ST8SIA4: variants seen among roughly 807,000 people sequenced by gnomAD.
ST8SIA4 encodes the protein ST8 alpha-N-acetyl-neuraminide alpha-2,8-sialyltransferase 4.
ST8SIA4 carries 15 observed loss-of-function variants against 33.9 expected under a neutral mutation model. The observed-to-expected ratio is 0.44, with a 90% CI of 0.30 to 0.68. ST8SIA4 has a LOEUF of 0.68. Among genes scored for constraint, ST8SIA4 ranks in the 30% least tolerant of loss-of-function variants. ST8SIA4 has a pLI of 0.10. For missense variants in ST8SIA4, 321 were observed against 428.0 expected, an observed-to-expected ratio of 0.75 and a Z score of 2.21; for synonymous variants, 171 against 151.2, an observed-to-expected ratio of 1.13 and a Z score of -0.96.
chr5:100,896,620 A>G (rs1752785800), intron 1 of ST8SIA4, among the ~76,000 whole-genome samples: 1 of 152,156 alleles, frequency 6.6e-6, no homozygotes, highest in African/African-American at 2.4e-5. Flanking sequence ...GGTGATGGAT[A>G]TGCTAATTAG....
chr5:100,876,317 C>CA (rs1176377910), intron 3 of ST8SIA4, among the ~76,000 whole-genome samples: 2 of 151,870 alleles, frequency 1.3e-5, no homozygotes, highest in Non-Finnish European at 2.9e-5. Flanking sequence ...GGAATAATAC[C>CA]AAAACAATAT....
intron 4 of ST8SIA4, among the ~76,000 whole-genome samples, chr5:100,823,709 A>G (rs1416899879): frequency 6.6e-6 from 1 of 152,232 alleles, no homozygotes; most frequent in Non-Finnish European, 1.5e-5. Context: ...GACTTGATAC[A>G]TTTTAGAAAG....
At chr5:100,868,683 G>T (rs1011591458) in intron 3 of ST8SIA4, among the ~76,000 whole-genome samples, 2 of 151,952 alleles carry the variant, frequency 1.3e-5, no homozygotes, top group Non-Finnish European at 2.9e-5. Context: ...GACTACCTAT[G>T]TCTTTGTTTA....
At chr5:100,851,783 A>G (rs1751704007) in intron 4 of ST8SIA4, among the ~76,000 whole-genome samples, 1 of 152,102 alleles carries the variant, frequency 6.6e-6, no homozygotes, top group African/African-American at 2.4e-5. Flanking sequence ...ATTAAAAGTA[A>G]GAAAATTAAG....
chr5:100,899,043 C>T (rs1752839318), intron 1 of ST8SIA4, among the ~76,000 whole-genome samples: 1 of 152,098 alleles, frequency 6.6e-6, no homozygotes, highest in Non-Finnish European at 1.5e-5. Flanking sequence ...CAGGCTTCAC[C>T]ACAATTTACT....
intron 2 of ST8SIA4, among the ~76,000 whole-genome samples, chr5:100,888,200 G>GAA (rs1275706895): frequency 3.7e-5 from 5 of 134,902 alleles, no homozygotes; most frequent in African/African-American, 8.2e-5. Context: ...AGATTTTAAG[G>GAA]AAAAAAAAAA....
intron 4 of ST8SIA4, chr5:100,849,198 T>G (rs1250665051): frequency 6.1e-6 from 6 of 985,210 alleles, no homozygotes. Context: ...TTCCCATGTG[T>G]AAGGACAAAG....
Position 100,902,847 on chromosome 5 carries a change from T to C in ST8SIA4, c.109A>G (p.Ile37Val), listed in dbSNP as rs2112491730. The C allele has an allele frequency of 6.2e-7, 1 of 1,601,916 alleles. No homozygotes were observed. The highest frequency in any genetic ancestry group is 1.1e-5 in the South Asian group (1 of 90,850). Reference sequence around the variant, plus strand: ...GAAATGAAGCTTTGCATTTACCCGATGAGTTGCGTCTCCTGGTGCTCCTCA... The same window carrying C: ...GAAATGAAGCTTTGCATTTACCCGACGAGTTGCGTCTCCTGGTGCTCCTCA... ...RTEEHQETQLIGDGELSLSRS... is the reference protein window; with the variant it reads ...RTEEHQETQLVGDGELSLSRS... The change falls in exon 1 of 5, where the codon ATC becomes GTC. Residue 37 changes from isoleucine (I) to valine (V), a missense_variant. Coordinates refer to ENST00000231461, the MANE Select transcript of ST8SIA4 (RefSeq NM_005668.6).
At chr5:100,856,783 T>A (rs912486650) in intron 3 of ST8SIA4, among the ~76,000 whole-genome samples, 9 of 152,204 alleles carry the variant, frequency 5.9e-5, no homozygotes, top group African/African-American at 2.2e-4. Flanking sequence ...TACAAGTGAA[T>A]AAAACACATT....
At chr5:100,858,774 A>C (rs1203773536) in intron 3 of ST8SIA4, among the ~76,000 whole-genome samples, 1 of 152,124 alleles carries the variant, frequency 6.6e-6, no homozygotes, top group Non-Finnish European at 1.5e-5. Context: ...GTGCTAACTA[A>C]AGGAGCAATT....
At chr5:100,881,645 T>C (rs1233718558) in intron 3 of ST8SIA4, among the ~76,000 whole-genome samples, 1 of 152,184 alleles carries the variant, frequency 6.6e-6, no homozygotes, top group Non-Finnish European at 1.5e-5. Context: ...AGGTTCTCAC[T>C]TGATATAGTT....
At chr5:100,876,081 C>T (rs903587739) in intron 3 of ST8SIA4, among the ~76,000 whole-genome samples, 5 of 152,040 alleles carry the variant, frequency 3.3e-5, no homozygotes, top group African/African-American at 1.2e-4. Flanking sequence ...AAGCCTAAAA[C>T]TATACTCCTC....
At chr5:100,863,337 G>A (rs1751988044) in intron 3 of ST8SIA4, among the ~76,000 whole-genome samples, 1 of 152,130 alleles carries the variant, frequency 6.6e-6, no homozygotes, top group African/African-American at 2.4e-5. Context: ...AAGGAAGCAA[G>A]GAAGAAAGAA....
chr5:100,902,032 G>T (rs568566344), intron 1 of ST8SIA4, among the ~76,000 whole-genome samples: 2 of 152,126 alleles, frequency 1.3e-5, no homozygotes, highest in Non-Finnish European at 2.9e-5. Flanking sequence ...TGACAATCAG[G>T]TTCACATCCT....
chr5:100,838,362 G>GTCATGAGTCTGCTACCTCTC (rs1267095047), intron 4 of ST8SIA4, among the ~76,000 whole-genome samples: 3 of 151,944 alleles, frequency 2.0e-5, no homozygotes, highest in Non-Finnish European at 2.9e-5. Context: ...CAAACTGTGA[G>GTCATGAGTCTGCTACCTCTC]TCATGAGTCT....
intron 4 of ST8SIA4, among the ~76,000 whole-genome samples, chr5:100,838,662 GTATT>G (rs1419783683): frequency 2.6e-5 from 4 of 151,652 alleles, no homozygotes; most frequent in African/African-American, 4.8e-5. Context: ...TATATTACAA[GTATT>G]TATTTATCTA....
chr5:100,862,861 G>A (rs1177290897), intron 3 of ST8SIA4, among the ~76,000 whole-genome samples: 1 of 152,184 alleles, frequency 6.6e-6, no homozygotes, highest in African/African-American at 2.4e-5. Flanking sequence ...AGAGTACATA[G>A]TTTTAAGTAA....
intron 3 of ST8SIA4, among the ~76,000 whole-genome samples, chr5:100,876,009 G>A (rs1244194913): frequency 6.6e-6 from 1 of 152,060 alleles, no homozygotes; most frequent in Non-Finnish European, 1.5e-5. Flanking sequence ...TGTTAGAAGT[G>A]TAGCATTAGT....
In ST8SIA4 at chr5:100,808,545, C is replaced by G. The variant is rs1335451323; in HGVS notation, c.*3302G>C. 1 of 152,456 alleles carries G rather than the reference C, an allele frequency of 6.6e-6. No homozygotes were observed. Among genetic ancestry groups the G allele is most frequent in the African/African-American group, 2.4e-5 (1 of 41,414 alleles). 9.4% of individuals were successfully genotyped at this position (152,456 alleles called of 1,614,324 possible). On this transcript the variant is annotated 3_prime_UTR_variant, in exon 5 of 5. Transcript: ENST00000231461. ...AATAACAACCATGTTCTGTAAAGGA[C>G]AAGAATATTTCACAATCAGCTGCCT...
Sources: allele counts gnomAD v4.1 joint callset (sites outside exome capture counted in the v4.1 genomes callset), GRCh38; gene constraint gnomAD v4.1.1; transcripts MANE v1.5; gene names NCBI Gene and HGNC (gene_info 2026-07-23, HGNC 2026-07-21).